The following EIF3I variants were observed in gnomAD, a reference collection of about 807,000 sequenced individuals.
EIF3I encodes the protein TGF-beta receptor-interacting protein 1.
A neutral mutation model predicts 43.3 loss-of-function variants in EIF3I; 20 were observed. The ratio of observed to expected loss-of-function variants is 0.46; its 90% CI spans 0.32 to 0.67. EIF3I has a LOEUF of 0.67. Ranked by LOEUF, EIF3I falls within the 30% of genes least tolerant of loss-of-function variation. EIF3I has a pLI of 0.03. For synonymous variants in EIF3I, 167 were observed against 151.7 expected, an observed-to-expected ratio of 1.10 and a Z score of -0.74; for missense variants, 279 against 421.4, an observed-to-expected ratio of 0.66 and a Z score of 2.96.
exon 7 of EIF3I, chr1:32,228,589 T>C: frequency 6.2e-7 from 1 of 1,614,134 alleles, no homozygotes; most frequent in Non-Finnish European, 8.5e-7. Context: ...TGTGACCGCG[T>C]CCAAGGACAA....
chr1:32,224,243 G>T (rs2124259412), intron 3 of EIF3I, 122 bp downstream of exon 3: 1 of 1,129,846 alleles, frequency 8.9e-7, no homozygotes, highest in Admixed American at 1.8e-5. Flanking sequence ...CCTACTCCCT[G>T]GTCTCTTCAC....
chr1:32,226,661 G>A, intron 6 of EIF3I, 131 bp downstream of exon 6: 1 of 1,014,184 alleles, frequency 9.9e-7, no homozygotes, highest in Non-Finnish European at 1.3e-6. Context: ...CCACCTCCCT[G>A]GTTCAAGCAA....
downstream of EIF3I, chr1:32,234,886 G>GT (rs1398235517): frequency 6.6e-6 from 1 of 152,542 alleles, no homozygotes; most frequent in Non-Finnish European, 1.5e-5. Flanking sequence ...CTGAATCACA[G>GT]TTTTGCATCC....
intron 2 of EIF3I, 35 bp from the exon 3 acceptor site, chr1:32,223,999 G>C (rs1639092809): frequency 6.2e-7 from 1 of 1,603,012 alleles, no homozygotes; most frequent in Non-Finnish European, 8.5e-7. Context: ...TGCTCTTACT[G>C]GGATGTGTAC....
chr1:32,232,036 G>A (rs1557557705), downstream of EIF3I: 1 of 152,908 alleles, frequency 6.5e-6, no homozygotes, highest in Non-Finnish European at 1.5e-5. Flanking sequence ...AAGGTGTGGA[G>A]CTCACCTTGC....
intron 2 of EIF3I, among the ~76,000 whole-genome samples, chr1:32,223,769 C>A (rs1639085048): frequency 6.6e-6 from 1 of 152,124 alleles, no homozygotes; most frequent in South Asian, 2.1e-4. Context: ...GCCTTTTATT[C>A]TTTGGAGCCG....
intron 3 of EIF3I, 134 bp downstream of exon 3, chr1:32,224,255 G>A: frequency 1.8e-6 from 2 of 1,126,278 alleles, no homozygotes; most frequent in East Asian, 2.4e-5. Context: ...TCTCTTCACT[G>A]ACTGAGGAAA....
chr1:32,229,313 C>A, intron 9 of EIF3I, 105 bp downstream of exon 9: 1 of 1,226,330 alleles, frequency 8.2e-7, no homozygotes, highest in Non-Finnish European at 1.1e-6. Context: ...TAGGCTGGAG[C>A]GCAGTGGCGT....
rs745439479 is a variant in EIF3I at position 32,222,544 on chromosome 1, A to G, written c.10A>G (p.Ile4Val). Residue 4 changes from isoleucine to valine, a missense_variant, in exon 2 of 12, where the codon ATC becomes GTC. Physicochemically the swap from Ile to Val is conservative, Grantham distance 29. Coordinates refer to ENST00000676679, the Ensembl canonical transcript of EIF3I. The stretch of plus-strand genomic sequence containing the variant: ...TACTGTCTTGTCCCCACAGAAGCCG[A>G]TCCTACTGCAGGGCCATGAGCGGTC... 16 of 1,613,996 alleles carry G rather than the reference A, an allele frequency of 9.9e-6. No homozygotes were observed. The South Asian group carries it at 1.8e-4, about 18-fold the overall frequency.
intron 6 of EIF3I, 93 bp from the exon 7 acceptor site, chr1:32,228,406 C>A: frequency 1.0e-6 from 1 of 1,002,816 alleles, no homozygotes; most frequent in Non-Finnish European, 1.6e-6. Flanking sequence ...AAAGTCCATG[C>A]TGTCTCAGCT....
intron 6 of EIF3I, among the ~76,000 whole-genome samples, chr1:32,227,089 C>T (rs1026948861): frequency 2.6e-5 from 4 of 151,084 alleles, no homozygotes; most frequent in African/African-American, 9.7e-5. Context: ...ATCCACCTGC[C>T]TCGGGTCCTG....
chr1:32,228,694 T>G, intron 7 of EIF3I, 33 bp from the exon 8 acceptor site: 1 of 1,603,690 alleles, frequency 6.2e-7, no homozygotes. Flanking sequence ...AGGAAAGCTC[T>G]TTACAGATTT....
At chr1:32,224,076 A>C (rs754665781) in exon 3 of EIF3I, 4 of 1,613,996 alleles carry the variant, frequency 2.5e-6, no homozygotes, top group Non-Finnish European at 3.4e-6. Flanking sequence ...GAGGCTGGGC[A>C]CCTACATGGG....
downstream of EIF3I, among the ~76,000 whole-genome samples, chr1:32,233,228 T>C (rs1440378422): frequency 6.6e-6 from 1 of 151,986 alleles, no homozygotes; most frequent in Non-Finnish European, 1.5e-5. Context: ...GATCTTGGCT[T>C]ACTGCAACCT....
At chr1:32,235,985 A>G (rs977646220), downstream of EIF3I, among the ~76,000 whole-genome samples, 1 of 152,160 alleles carries the variant, frequency 6.6e-6, no homozygotes, top group Non-Finnish European at 1.5e-5. Context: ...CTTGAGGATA[A>G]AGTCTAAGCT....
chr1:32,226,469 C>T, exon 6 of EIF3I: 2 of 1,598,096 alleles, frequency 1.3e-6, no homozygotes, highest in Non-Finnish European at 1.7e-6. Context: ...GTTTGGGGAC[C>T]CCTGGGGGAG....
In EIF3I at chr1:32,229,121, C is replaced by T. The variant is rs370375265; in HGVS notation, c.730-14C>T. On this transcript the variant is annotated splice_polypyrimidine_tract_variant and intron_variant, in intron 8 of 11. Coordinates refer to ENST00000676679, the Ensembl canonical transcript of EIF3I. ...TGTCCATTGGTCCCATCTAGAGTTT[C>T]TTCTTCCATTCAGGTGGTCCTGGGC... 1.9e-6 allele frequency: 3 copies of T among 1,609,116 alleles called. No homozygotes were observed. Among genetic ancestry groups the T allele is most frequent in the Non-Finnish European group, 2.5e-6 (3 of 1,178,760 alleles).
intron 9 of EIF3I, among the ~76,000 whole-genome samples, chr1:32,229,689 T>G (rs1313093198): frequency 6.6e-6 from 1 of 151,972 alleles, no homozygotes; most frequent in Non-Finnish European, 1.5e-5. Context: ...TGGCTGGGAT[T>G]ACAGGCACCC....
chr1:32,229,244 C>A, intron 9 of EIF3I, 36 bp downstream of exon 9: 2 of 1,600,592 alleles, frequency 1.2e-6, no homozygotes, highest in South Asian at 1.1e-5. Context: ...ATTAAAATCT[C>A]ATGTGGTGTA....
Sources: allele counts gnomAD v4.1 joint callset (sites outside exome capture counted in the v4.1 genomes callset), GRCh38; gene constraint gnomAD v4.1.1; transcripts MANE v1.5; gene names NCBI Gene and HGNC (gene_info 2026-07-23, HGNC 2026-07-21).